Variants in AGGF1 observed in about 807,000 individuals in gnomAD.
AGGF1 encodes the protein angiogenic factor with G patch and FHA domains 1.
A neutral mutation model predicts 86.5 loss-of-function variants in AGGF1; 56 were observed. The ratio of observed to expected loss-of-function variants is 0.65; its 90% CI spans 0.52 to 0.81. AGGF1 has a LOEUF of 0.81. Ranked by LOEUF, AGGF1 falls within the 30% of genes least tolerant of loss-of-function variation. The pLI is 0.00. For synonymous variants in AGGF1, 313 were observed against 297.1 expected, an observed-to-expected ratio of 1.05 and a Z score of -0.55; for missense variants, 816 against 850.9, an observed-to-expected ratio of 0.96 and a Z score of 0.51.
intron 8 of AGGF1, among the ~76,000 whole-genome samples, chr5:77,051,618 A>G (rs1215312630): frequency 1.3e-5 from 2 of 152,204 alleles, no homozygotes; most frequent in Non-Finnish European, 2.9e-5. Context: ...AATTGATACA[A>G]CCACTTTGGA....
chr5:77,039,458 A>G (rs759518816), intron 4 of AGGF1, 73 bp from the exon 5 acceptor site: 1 of 1,106,164 alleles, frequency 9.0e-7, no homozygotes, highest in Admixed American at 2.2e-5. Context: ...CCACATTTGA[A>G]TGTATTTGGC....
At chr5:77,059,404 A>T (rs188884445) in intron 11 of AGGF1, among the ~76,000 whole-genome samples, 1 of 152,172 alleles carries the variant, frequency 6.6e-6, no homozygotes, top group African/African-American at 2.4e-5. Context: ...CTGGTCTCAA[A>T]CTCCTGACCT....
intron 9 of AGGF1, among the ~76,000 whole-genome samples, chr5:77,053,531 T>C (rs551872636): frequency 6.6e-6 from 1 of 151,628 alleles, no homozygotes; most frequent in Admixed American, 6.6e-5. Flanking sequence ...AAAGAAAAAA[T>C]ATAGGAAGGC....
At chr5:77,045,381 T>C (rs1747226927) in intron 5 of AGGF1, among the ~76,000 whole-genome samples, 2 of 152,232 alleles carry the variant, frequency 1.3e-5, no homozygotes, top group African/African-American at 2.4e-5. Flanking sequence ...TTAGCTCAAT[T>C]TAACCACTGT....
chr5:77,049,986 C>T (rs548921127), intron 8 of AGGF1, among the ~76,000 whole-genome samples: 2 of 151,984 alleles, frequency 1.3e-5, no homozygotes, highest in Admixed American at 6.6e-5. Context: ...TTTTATTTAA[C>T]GGACTGTAAT....
chr5:77,051,807 T>C (rs1042585589), intron 8 of AGGF1, among the ~76,000 whole-genome samples: 1 of 152,204 alleles, frequency 6.6e-6, no homozygotes, highest in Non-Finnish European at 1.5e-5. Flanking sequence ...TGAATGTCTG[T>C]TTTCAGAAGG....
chr5:77,054,330 G>A (rs1418187758), intron 10 of AGGF1, among the ~76,000 whole-genome samples, 200 bp downstream of exon 10: 2 of 152,178 alleles, frequency 1.3e-5, no homozygotes, highest in East Asian at 3.8e-4. Flanking sequence ...ATTACCAAAT[G>A]AGACTAAGAA....
At chr5:77,054,420 A>G (rs1747426882) in intron 10 of AGGF1, among the ~76,000 whole-genome samples, 1 of 152,218 alleles carries the variant, frequency 6.6e-6, no homozygotes, top group Non-Finnish European at 1.5e-5. Flanking sequence ...ATTTAGCTTC[A>G]TGATATGTAG....
At chr5:77,048,651 T>G (rs1246947719) in intron 7 of AGGF1, among the ~76,000 whole-genome samples, 1 of 152,168 alleles carries the variant, frequency 6.6e-6, no homozygotes, top group Non-Finnish European at 1.5e-5. Context: ...CGCCTGGCCA[T>G]TATGTTAAGC....
Position 77,046,399 on chromosome 5 carries a change from A to G in AGGF1, c.923A>G (p.Asn308Ser), listed in dbSNP as rs1377241601. The G allele has an allele frequency of 1.2e-6, 2 of 1,613,940 alleles. No homozygotes were observed. Among genetic ancestry groups the G allele is most frequent in the East Asian group, 2.2e-5 (1 of 44,864 alleles). The part of the protein sequence containing the change: ...KAFSVEHTSC[N>S]EEENFANMKK... ...TTCAGTGTTGAACATACAAGCTGCA[A>G]TGAGGAAGAAAATTTCGCAAATATG... Residue 308 changes from asparagine (N) to serine (S), a missense_variant, in exon 6 of 14, where the codon AAT becomes AGT. Physicochemically the swap from Asn to Ser is conservative, Grantham distance 46 (BLOSUM62 1). Coordinates refer to ENST00000312916, the MANE Select transcript of AGGF1 (RefSeq NM_018046.5).
chr5:77,049,868 C>T (rs1747338578), intron 8 of AGGF1, among the ~76,000 whole-genome samples: 1 of 152,064 alleles, frequency 6.6e-6, no homozygotes, highest in Admixed American at 6.6e-5. Flanking sequence ...TTATATTTCT[C>T]TTTCCTGTAC....
Position 77,060,645 on chromosome 5 carries a change from G to C in AGGF1, c.1844+902G>C, listed in dbSNP as rs939486763. Among the ~76,000 whole-genome samples the C allele has an allele frequency of 6.6e-5, 10 of 152,038 alleles. 1 individual carries two copies. The highest frequency in any genetic ancestry group is 1.4e-4 in the African/African-American group (6 of 41,396). On this transcript the variant is annotated intron_variant, in intron 12 of 13. Transcript: ENST00000312916. ...TGTAGAACTGATAACTAATTATAAA[G>C]TTTTGATTCAATATCATATTGCATT...
intron 1 of AGGF1, among the ~76,000 whole-genome samples, chr5:77,031,870 C>G (rs1746860092): frequency 6.6e-6 from 1 of 152,140 alleles, no homozygotes; most frequent in African/African-American, 2.4e-5. Context: ...TGCCACTGCA[C>G]TCCAGCCAGG....
intron 8 of AGGF1, among the ~76,000 whole-genome samples, chr5:77,049,635 A>C (rs1747333655): frequency 6.8e-6 from 1 of 146,114 alleles, no homozygotes; most frequent in Non-Finnish European, 1.5e-5. Context: ...CTGCAGCCTC[A>C]TCTTCCCGGG....
At position 77,035,536 on chromosome 5, in the gene AGGF1, T is replaced by C; in HGVS notation, c.314-5T>C. On this transcript the variant is annotated splice_polypyrimidine_tract_variant and splice_region_variant and intron_variant, in intron 2 of 13. Transcript: ENST00000312916. ...ATACGATTTCACTTCATTTTTTTGCTACAGATTATTTTTATCAGACGTACT... is the reference window on the plus strand; with the variant it reads ...ATACGATTTCACTTCATTTTTTTGCCACAGATTATTTTTATCAGACGTACT... The C allele has an allele frequency of 6.2e-7, 1 of 1,605,894 alleles. No homozygotes were observed. The highest frequency in any genetic ancestry group is 1.1e-5 in the South Asian group (1 of 90,506).
chr5:77,054,905 G>A (rs972680565), intron 10 of AGGF1, among the ~76,000 whole-genome samples: 5 of 152,048 alleles, frequency 3.3e-5, no homozygotes, highest in Non-Finnish European at 7.4e-5. Context: ...TTGATAGCTC[G>A]TGCTGTATAT....
chr5:77,031,095 A>G (rs1447472553), intron 1 of AGGF1, 119 bp downstream of exon 1: 10 of 1,059,880 alleles, frequency 9.4e-6, no homozygotes, highest in Middle Eastern at 2.6e-4. Context: ...TACTTAAAGT[A>G]AATAAGTAGA....
intron 11 of AGGF1, among the ~76,000 whole-genome samples, chr5:77,057,239 C>T (rs1295714732): frequency 1.3e-5 from 2 of 152,150 alleles, no homozygotes; most frequent in Non-Finnish European, 2.9e-5. Flanking sequence ...AGCCATTCTA[C>T]TCTGAGATAT....
At chr5:77,042,658 A>C (rs1580127429) in intron 5 of AGGF1, among the ~76,000 whole-genome samples, 2 of 27,242 alleles carry the variant, frequency 7.3e-5, no homozygotes, top group African/African-American at 1.1e-4. Context: ...TCCATCCCGG[A>C]CGGGGCGGCT....
Sources: allele counts gnomAD v4.1 joint callset (sites outside exome capture counted in the v4.1 genomes callset), GRCh38; gene constraint gnomAD v4.1.1; transcripts MANE v1.5; gene names NCBI Gene and HGNC (gene_info 2026-07-23, HGNC 2026-07-21).